The following MSL2 variants were observed in gnomAD, a reference collection of about 807,000 sequenced individuals.
The protein encoded by MSL2 is E3 ubiquitin-protein ligase MSL2.
MSL2 carries 2 observed loss-of-function variants against 35.8 expected under a neutral mutation model. That is an observed-to-expected ratio of 0.06 (90% CI 0.02 to 0.18). MSL2 has a LOEUF of 0.18. Among genes scored for constraint, MSL2 ranks in the 10% least tolerant of loss-of-function variants. MSL2 has a pLI of 1.00. For synonymous variants in MSL2, 296 were observed against 255.7 expected (o/e 1.16, Z -1.50); for missense variants, 523 against 706.7 (o/e 0.74, Z 2.95).
chr3:136,175,094 C>T (rs1045832743), intron 1 of MSL2, among the ~76,000 whole-genome samples: 2 of 151,986 alleles, frequency 1.3e-5, no homozygotes, highest in East Asian at 1.9e-4. Flanking sequence ...GCCTATAATC[C>T]CAGCACTTTG....
Position 136,151,447 on chromosome 3 carries a change from G to A in MSL2, c.1434C>T (p.Gly478=). ...GGTTAGAGTAGCAAGGGCAGCGTTG[G>A]CCTCGGCATGTAAGAACACTTGGAT... The part of the protein sequence containing the change: ...TQNPSVLTCR[G]QRCPCYSNRK... Residue 478 remains glycine (G), a synonymous_variant, in exon 2 of 2, where the codon GGC becomes GGT. Transcript: ENST00000309993. The surrounding 1 kb of genome is among the most constrained non-coding windows in gnomAD (Gnocchi z 5.2). 1 of 1,614,214 alleles carries A rather than the reference G, an allele frequency of 6.2e-7. No homozygotes were observed.
At chr3:136,187,218 AAAGAT>A (rs1940550446) in intron 1 of MSL2, among the ~76,000 whole-genome samples, 1 of 152,212 alleles carries the variant, frequency 6.6e-6, no homozygotes, top group Admixed American at 6.5e-5. Flanking sequence ...CAACTACGAC[AAAGAT>A]AACACAATAC....
chr3:136,160,848 G>T (rs1202882852), intron 1 of MSL2, among the ~76,000 whole-genome samples: 14 of 152,136 alleles, frequency 9.2e-5, no homozygotes, highest in Admixed American at 9.2e-4. Flanking sequence ...CAGCACTTTA[G>T]GAGGACAAGA....
chr3:136,193,500 A>AAG (rs1302584950), intron 1 of MSL2, among the ~76,000 whole-genome samples: 2 of 152,070 alleles, frequency 1.3e-5, no homozygotes, highest in Non-Finnish European at 2.9e-5. Flanking sequence ...ACCAAAGGAA[A>AAG]AGAAAAAAAA....
At chr3:136,191,030 A>G (rs1490289544) in intron 1 of MSL2, among the ~76,000 whole-genome samples, 1 of 152,238 alleles carries the variant, frequency 6.6e-6, no homozygotes, top group Non-Finnish European at 1.5e-5. Flanking sequence ...ACTGCAATGA[A>G]TAATCTAGGT....
intron 1 of MSL2, among the ~76,000 whole-genome samples, chr3:136,191,968 T>C (rs1377530937): frequency 2.6e-5 from 4 of 152,150 alleles, no homozygotes; most frequent in Non-Finnish European, 5.9e-5. Flanking sequence ...TCTGAGGCTG[T>C]CATAAACACC....
chr3:136,193,659 T>C (rs1024943770), intron 1 of MSL2, among the ~76,000 whole-genome samples: 5 of 151,820 alleles, frequency 3.3e-5, no homozygotes, highest in African/African-American at 1.2e-4. Flanking sequence ...CTTGATACAC[T>C]TACATTTGTA....
chr3:136,189,875 G>A (rs1293408589), intron 1 of MSL2, among the ~76,000 whole-genome samples: 2 of 151,996 alleles, frequency 1.3e-5, no homozygotes, highest in Non-Finnish European at 2.9e-5. Flanking sequence ...CGCTTTCATG[G>A]TTAATTTCTG....
rs1048776035 is a variant in MSL2, at chr3:136,149,376, C to A, written c.*1771G>T. ...AGGTAAATACACGTTTCATAAGACA[C>A]TGCTAACACTTAAAGGAATTAAATA... On this transcript the variant is annotated 3_prime_UTR_variant, in exon 2 of 2. Coordinates refer to ENST00000309993, the MANE Select transcript of MSL2 (RefSeq NM_018133.4). 1.3e-5 allele frequency: 2 copies of A among 152,476 alleles called. No individual in the cohort carries two copies. The highest frequency in any genetic ancestry group is 4.8e-5 in the African/African-American group (2 of 41,418). The allele number at this position is 152,476 out of a possible 1,614,324, so 9.4% of individuals were successfully genotyped here. A position where few individuals can be genotyped will look rare whatever the true frequency, so the allele number is the denominator to read the frequency against.
chr3:136,189,520 C>A lies in MSL2; in HGVS notation c.142+5452G>T, dbSNP rs546878582. On this transcript the variant is annotated intron_variant, in intron 1 of 1. Coordinates refer to ENST00000309993, the MANE Select transcript of MSL2 (RefSeq NM_018133.4). ...CGGGCGGATCACGAGGTCAGGAGATCGAGACCATCCTGGCTAACACAGTGA... is the reference window on the plus strand; with the variant it reads ...CGGGCGGATCACGAGGTCAGGAGATAGAGACCATCCTGGCTAACACAGTGA... Among the ~76,000 whole-genome samples the A allele has an allele frequency of 7.5e-4, 112 of 149,136 alleles. 1 individual carries two copies. The highest frequency in any genetic ancestry group is 1.5e-3 in the Non-Finnish European group (99 of 67,422).
At chr3:136,169,011 G>A (rs1377692839) in intron 1 of MSL2, among the ~76,000 whole-genome samples, 4 of 152,032 alleles carry the variant, frequency 2.6e-5, no homozygotes, top group Admixed American at 2.0e-4. Flanking sequence ...ATATCACACG[G>A]CTGTGAGGCT....
At chr3:136,181,089 G>A (rs1286082161) in intron 1 of MSL2, among the ~76,000 whole-genome samples, 1 of 151,818 alleles carries the variant, frequency 6.6e-6, no homozygotes, top group Non-Finnish European at 1.5e-5. Context: ...GGAGGTGGAG[G>A]TTGCAGTGAG....
At chr3:136,164,148 T>C (rs1487372305) in intron 1 of MSL2, among the ~76,000 whole-genome samples, 1 of 152,128 alleles carries the variant, frequency 6.6e-6, no homozygotes, top group Non-Finnish European at 1.5e-5. Context: ...AACTAGTAAA[T>C]AAGAGCAAGA....
intron 1 of MSL2, chr3:136,153,067 C>A: frequency 1.0e-6 from 1 of 985,320 alleles, no homozygotes; most frequent in Non-Finnish European, 1.2e-6. Flanking sequence ...ACCAGAAGCA[C>A]AAACTAGGGT....
chr3:136,168,584 G>C (rs1467022038), intron 1 of MSL2, among the ~76,000 whole-genome samples: 1 of 152,066 alleles, frequency 6.6e-6, no homozygotes, highest in East Asian at 1.9e-4. Context: ...ATACAAGGAG[G>C]GGAACATCAC....
intron 1 of MSL2, among the ~76,000 whole-genome samples, chr3:136,175,732 G>GTTTA (rs1940155113): frequency 6.6e-6 from 1 of 152,052 alleles, no homozygotes; most frequent in South Asian, 2.1e-4. Flanking sequence ...AACAATAACC[G>GTTTA]TTTCATAATC....
At chr3:136,184,223 G>A (rs942788179) in intron 1 of MSL2, among the ~76,000 whole-genome samples, 2 of 152,134 alleles carry the variant, frequency 1.3e-5, no homozygotes, top group Non-Finnish European at 2.9e-5. Context: ...TCGAACCCGG[G>A]AGGCGGAGGG....
chr3:136,188,960 G>T (rs1404126907), intron 1 of MSL2, among the ~76,000 whole-genome samples: 1 of 151,450 alleles, frequency 6.6e-6, no homozygotes, highest in Non-Finnish European at 1.5e-5. Flanking sequence ...TGCATTTAGG[G>T]AGTCCTTTCC....
intron 1 of MSL2, among the ~76,000 whole-genome samples, chr3:136,174,898 G>A (rs762321752): frequency 2.0e-5 from 3 of 152,108 alleles, no homozygotes; most frequent in Non-Finnish European, 2.9e-5. Flanking sequence ...TTTAAAATAA[G>A]TAAATACATA....
Sources: gnomAD v4.1 joint callset for allele counts (sites outside exome capture counted in the v4.1 genomes callset) on GRCh38, gnomAD v4.1.1 for gene constraint, Gnocchi (gnomAD v3.1) non-coding constraint, MANE v1.5 for transcripts, NCBI Gene and HGNC (gene_info 2026-07-23, HGNC 2026-07-21) for gene names.